The following PPP2R2B variants were observed in gnomAD, a reference collection of about 807,000 sequenced individuals.
PPP2R2B encodes serine/threonine-protein phosphatase 2A 55 kDa regulatory subunit B beta isoform.
In PPP2R2B, 5 loss-of-function variants were observed where a neutral mutation model predicts 46.0. The observed-to-expected ratio is 0.11, with a 90% confidence interval of 0.06 to 0.23. The LOEUF (loss-of-function observed/expected upper bound fraction) is 0.23. Ranked by LOEUF, PPP2R2B falls within the 10% of genes least tolerant of loss-of-function variation. PPP2R2B has a pLI of 1.00. For synonymous variants in PPP2R2B, 215 were observed against 206.7 expected (o/e 1.04, Z -0.34); for missense variants, 367 against 575.0 (o/e 0.64, Z 3.70).
chr5:146,693,464 C>T (rs1020719135), intron 4 of PPP2R2B, among the ~76,000 whole-genome samples: 3 of 152,146 alleles, frequency 2.0e-5, no homozygotes, highest in African/African-American at 7.2e-5. Flanking sequence ...GTCTGCCCAC[C>T]TTTGCCTCCC....
In PPP2R2B at chr5:147,079,469, T is replaced by TATATATATATAC. The variant is rs1491141938; in HGVS notation, c.50+1589_50+1590insGTATATATATAT. ...ACATATATATATATATATATATATA[T>TATATATATATAC]ACATGTGCAATGGAATATTACTCAG... On this transcript the variant is annotated intron_variant, in intron 2 of 10. Coordinates refer to the PPP2R2B transcript ENST00000394413. 5.4e-3 allele frequency among the ~76,000 whole-genome samples: 756 copies of TATATATATATAC among 138,904 alleles called. 2 individuals are homozygous for TATATATATATAC. The highest frequency in any genetic ancestry group is 6.3e-3 in the Non-Finnish European group (410 of 64,736). 91.1% of individuals were successfully genotyped at this position (138,904 alleles called of 152,430 possible). A position where few individuals can be genotyped will look rare whatever the true frequency, so the allele number is the denominator to read the frequency against.
chr5:146,975,557 T>A (rs1331421025), intron 1 of PPP2R2B, among the ~76,000 whole-genome samples: 1 of 152,216 alleles, frequency 6.6e-6, no homozygotes, highest in East Asian at 1.9e-4. Context: ...GTAACTCAAT[T>A]TTTAATATTT....
intron 2 of PPP2R2B, among the ~76,000 whole-genome samples, chr5:146,750,573 A>G (rs1268528160): frequency 2.0e-5 from 3 of 152,196 alleles, no homozygotes; most frequent in Non-Finnish European, 2.9e-5. Context: ...TAAGAAAACA[A>G]TAACTCAATC....
At chr5:146,832,386 T>A (rs1183838999) in intron 2 of PPP2R2B, among the ~76,000 whole-genome samples, 14 of 131,682 alleles carry the variant, frequency 1.1e-4, no homozygotes, top group East Asian at 6.6e-4. Flanking sequence ...AATCTTTTTT[T>A]TTTTTTTTTT....
rs993496926 is a variant in PPP2R2B at position 146,585,174 on chromosome 5, A to G, written c.*4773T>C. On this transcript the variant is annotated 3_prime_UTR_variant, in exon 10 of 10. Coordinates refer to ENST00000394411, the MANE Select transcript of PPP2R2B (RefSeq NM_181675.4). Reference sequence around the variant, plus strand: ...AGAACCTGGCTGCCTGACACATCCCAGGCAACCAATGAATCTTTAATTCAT... The same window carrying G: ...AGAACCTGGCTGCCTGACACATCCCGGGCAACCAATGAATCTTTAATTCAT... The G allele has an allele frequency of 6.6e-6, 1 of 151,858 alleles. No individual in the cohort carries two copies. Among genetic ancestry groups the G allele is most frequent in the African/African-American group, 2.4e-5 (1 of 41,336 alleles). The allele number at this position is 151,858 out of a possible 1,614,324, so 9.4% of individuals were successfully genotyped here. A position where few individuals can be genotyped will look rare whatever the true frequency, so the allele number is the denominator to read the frequency against.
intron 5 of PPP2R2B, among the ~76,000 whole-genome samples, chr5:146,674,936 C>A (rs891996433): frequency 1.3e-5 from 2 of 152,110 alleles, no homozygotes; most frequent in Admixed American, 6.6e-5. Flanking sequence ...TCACATTCAG[C>A]TAGATACTTG....
intron 7 of PPP2R2B, among the ~76,000 whole-genome samples, chr5:146,605,537 C>T (rs1482019357): frequency 1.3e-5 from 2 of 152,158 alleles, no homozygotes; most frequent in Non-Finnish European, 2.9e-5. Flanking sequence ...GTTGACAACG[C>T]AATTACCCTA....
intron 6 of PPP2R2B, among the ~76,000 whole-genome samples, chr5:146,641,081 G>A (rs891483877): frequency 3.3e-5 from 5 of 152,144 alleles, no homozygotes; most frequent in African/African-American, 1.2e-4. Context: ...AGGAAGATAT[G>A]GCCAGTTGCT....
intron 1 of PPP2R2B, among the ~76,000 whole-genome samples, chr5:146,891,967 A>G (rs980097905): frequency 1.3e-5 from 2 of 152,180 alleles, no homozygotes; most frequent in Admixed American, 6.5e-5. Context: ...TACACATCAC[A>G]TGCTCTGCCT....
At chr5:146,720,079 T>C (rs896213508) in intron 2 of PPP2R2B, among the ~76,000 whole-genome samples, 8 of 152,212 alleles carry the variant, frequency 5.3e-5, no homozygotes, top group Non-Finnish European at 1.2e-4. Flanking sequence ...TACGCTACTT[T>C]GCCTCTGTAG....
At chr5:146,850,098 G>A (rs1760252734) in intron 2 of PPP2R2B, among the ~76,000 whole-genome samples, 1 of 152,198 alleles carries the variant, frequency 6.6e-6, no homozygotes, top group African/African-American at 2.4e-5. Flanking sequence ...GCTAATTTAT[G>A]TCTGGGTAAG....
At chr5:146,779,453 T>C (rs1286970861) in intron 2 of PPP2R2B, among the ~76,000 whole-genome samples, 2 of 152,128 alleles carry the variant, frequency 1.3e-5, no homozygotes, top group African/African-American at 4.8e-5. Context: ...CAGTTCATGA[T>C]TGGTGTCAGA....
chr5:147,022,475 G>A (rs909602083), intron 1 of PPP2R2B, among the ~76,000 whole-genome samples: 10 of 151,898 alleles, frequency 6.6e-5, no homozygotes, highest in Admixed American at 2.6e-4. Context: ...CAGGGGAATC[G>A]CTTGAACGTA....
At chr5:146,960,205 A>T (rs1752105861) in intron 1 of PPP2R2B, among the ~76,000 whole-genome samples, 1 of 152,160 alleles carries the variant, frequency 6.6e-6, no homozygotes, top group African/African-American at 2.4e-5. Flanking sequence ...TATTGAGAGT[A>T]TCCAGGATAG....
intron 2 of PPP2R2B, among the ~76,000 whole-genome samples, chr5:147,064,965 T>G (rs1271152816): frequency 6.6e-6 from 1 of 152,226 alleles, no homozygotes; most frequent in Non-Finnish European, 1.5e-5. Context: ...GCTAGTATTC[T>G]TTCATTTACT....
chr5:147,028,883 G>T (rs142078310), intron 1 of PPP2R2B, among the ~76,000 whole-genome samples: 1 of 152,126 alleles, frequency 6.6e-6, no homozygotes, highest in South Asian at 2.1e-4. Flanking sequence ...TCAGTATGTC[G>T]TGGTATTCCA....
At chr5:146,836,477 G>A (rs150644988) in intron 2 of PPP2R2B, among the ~76,000 whole-genome samples, 1 of 152,314 alleles carries the variant, frequency 6.6e-6, no homozygotes, top group Non-Finnish European at 1.5e-5. Flanking sequence ...GACTCCACTT[G>A]TATTTTGTAA....
At position 146,886,653 on chromosome 5, in the gene PPP2R2B, A is replaced by T. The variant is rs144100246; in HGVS notation, c.79+169012T>A. ...TGATGTTCAAAAAATCATAAACCAG[A>T]ATAAGCCAACTGCTACAATTTTTTG... On this transcript the variant is annotated intron_variant, in intron 1 of 8. Coordinates refer to the PPP2R2B transcript ENST00000336640. Among the ~76,000 whole-genome samples the T allele has an allele frequency of 1.1e-3, 164 of 152,250 alleles. 2 individuals are homozygous for T. In the East Asian group the frequency reaches 0.023, roughly 21 times the overall value.
chr5:146,901,179 G>A (rs951123152), intron 1 of PPP2R2B, among the ~76,000 whole-genome samples: 3 of 152,154 alleles, frequency 2.0e-5, no homozygotes, highest in Admixed American at 1.3e-4. Flanking sequence ...ATTACAGATA[G>A]TTAACTTATT....
Sources: allele counts gnomAD v4.1 joint callset (sites outside exome capture counted in the v4.1 genomes callset), GRCh38; gene constraint gnomAD v4.1.1; transcripts MANE v1.5; gene names NCBI Gene and HGNC (gene_info 2026-07-23, HGNC 2026-07-21).